Variants in TMTC1 observed in about 807,000 individuals in gnomAD.
TMTC1 encodes protein O-mannosyl-transferase TMTC1.
A neutral mutation model predicts 104.8 loss-of-function variants in TMTC1; 73 were observed. The ratio of observed to expected loss-of-function variants is 0.70; its 90% CI spans 0.58 to 0.85. The LOEUF is 0.85. Among genes scored for constraint, TMTC1 ranks in the 40% least tolerant of loss-of-function variants. The pLI is 0.00. For synonymous variants in TMTC1, 434 were observed against 428.7 expected, an observed-to-expected ratio of 1.01 and a Z score of -0.15; for missense variants, 1,035 against 1,096.1, an observed-to-expected ratio of 0.94 and a Z score of 0.79.
chr12:29,709,843 G>A (rs751821948), intron 5 of TMTC1, among the ~76,000 whole-genome samples: 2 of 152,184 alleles, frequency 1.3e-5, no homozygotes, highest in Non-Finnish European at 2.9e-5. Context: ...GCACTAACCT[G>A]TAGGATAGGT....
rs1943667582 is a variant in TMTC1, at chr12:29,505,006, T to C, written c.*1840A>G. The C allele has an allele frequency of 6.6e-6, 1 of 152,274 alleles. No individual in the cohort carries two copies. The highest frequency in any genetic ancestry group is 3.4e-3 in the Middle Eastern group (1 of 294). 9.4% of individuals were successfully genotyped at this position (152,274 alleles called of 1,614,324 possible). On this transcript the variant is annotated 3_prime_UTR_variant, in exon 18 of 18. Coordinates refer to ENST00000539277, the MANE Select transcript of TMTC1 (RefSeq NM_001193451.2). ...GTGGATACATTTATGTTATATAACA[T>C]GAAAAAACTATTAGAAACAAATGGT...
At position 29,506,931 on chromosome 12, in the gene TMTC1, T is replaced by C. The variant is rs770807211; in HGVS notation, c.2564A>G (p.Asp855Gly). 6.2e-7 allele frequency: 1 copy of C among 1,614,060 alleles called. No homozygotes were observed. The highest frequency in any genetic ancestry group is 8.5e-7 in the Non-Finnish European group (1 of 1,179,898). The change falls in exon 18 of 18, where the codon GAC becomes GGC. Residue 855 changes from aspartate to glycine, a missense_variant. Transcript: ENST00000539277. Reference protein sequence around the residue: ...YYERALQLVPDSKLLKENLAK... With the variant: ...YYERALQLVPGSKLLKENLAK... ...AAGATTTTCCTTCAGCAGTTTGCTG[T>C]CTGGAACCAGCTGTAAGGCTCTCTC...
At chr12:29,627,765 G>A (rs972786850) in intron 6 of TMTC1, among the ~76,000 whole-genome samples, 1 of 150,956 alleles carries the variant, frequency 6.6e-6, no homozygotes, top group Non-Finnish European at 1.5e-5. Context: ...AGCAAACTGT[G>A]GTATATGCTA....
At chr12:29,554,397 TTAG>T (rs1945184431) in intron 10 of TMTC1, among the ~76,000 whole-genome samples, 1 of 152,138 alleles carries the variant, frequency 6.6e-6, no homozygotes, top group South Asian at 2.1e-4. Context: ...AATATCACTG[TTAG>T]TAGGGATTTG....
chr12:29,703,164 T>G (rs555768356), intron 5 of TMTC1, among the ~76,000 whole-genome samples: 1 of 146,406 alleles, frequency 6.8e-6, no homozygotes, highest in Non-Finnish European at 1.5e-5. Context: ...AAAAAGGAAC[T>G]GAAAAAATGA....
At position 29,644,109 on chromosome 12, in the gene TMTC1, ATATGTGTGTGTGTG is replaced by A. The variant is rs1354148039; in HGVS notation, c.939-10787_939-10774del. Among the ~76,000 whole-genome samples the A allele has an allele frequency of 6.5e-5, 3 of 46,002 alleles. 1 individual carries two copies. The highest frequency in any genetic ancestry group is 9.2e-4 in the Admixed American group (2 of 2,172). The allele number at this position is 46,002 out of a possible 152,430, so 30.2% of individuals were successfully genotyped here. A position where few individuals can be genotyped will look rare whatever the true frequency, so the allele number is the denominator to read the frequency against. ...AATATAAATATAAATATATAAATAT[ATATGTGTGTGTGTG>A]TGTGTGTGTGTGTGTGTGTGTGTGT... On this transcript the variant is annotated intron_variant, in intron 5 of 17. Coordinates refer to ENST00000539277, the MANE Select transcript of TMTC1 (RefSeq NM_001193451.2).
intron 3 of TMTC1, among the ~76,000 whole-genome samples, chr12:29,758,354 T>G (rs1399753871): frequency 1.3e-5 from 2 of 152,068 alleles, no homozygotes; most frequent in African/African-American, 2.4e-5. Flanking sequence ...ATTAAGCAAA[T>G]TATAGGCAAA....
chr12:29,772,913 T>C (rs1565827249), intron 1 of TMTC1, among the ~76,000 whole-genome samples: 2 of 152,210 alleles, frequency 1.3e-5, no homozygotes, highest in South Asian at 4.1e-4. Flanking sequence ...CAGCATACAA[T>C]AGATTCTAAA....
rs57599919 is a variant in TMTC1, at chr12:29,683,845, ATT to A, written c.939-50511_939-50510del. Among the ~76,000 whole-genome samples the A allele has an allele frequency of 3.0e-3, 420 of 140,942 alleles. 3 individuals are homozygous for A. Among genetic ancestry groups the A allele is most frequent in the African/African-American group, 0.01 (391 of 39,020 alleles). The allele number at this position is 140,942 out of a possible 152,430, so 92.5% of individuals were successfully genotyped here. A position where few individuals can be genotyped will look rare whatever the true frequency, so the allele number is the denominator to read the frequency against. On this transcript the variant is annotated intron_variant, in intron 5 of 17. Transcript: ENST00000539277. ...TAGTAAAGATAGTCTATTTCCTATCATTTTTTTTTTTTTTTGAGACAGGTTCT... is the reference window on the plus strand; with the variant it reads ...TAGTAAAGATAGTCTATTTCCTATCATTTTTTTTTTTTTGAGACAGGTTCT...
intron 5 of TMTC1, among the ~76,000 whole-genome samples, chr12:29,716,236 G>A (rs1224218880): frequency 6.6e-6 from 1 of 151,922 alleles, no homozygotes; most frequent in Admixed American, 6.6e-5. Flanking sequence ...TTCCCAGGCT[G>A]GTCTTGAACT....
rs371626670 is a variant in TMTC1 at position 29,574,180 on chromosome 12, C to T, written c.1419-1962G>A. Among the ~76,000 whole-genome samples the T allele has an allele frequency of 3.6e-4, 55 of 152,156 alleles. No homozygotes were observed. In the South Asian group the frequency reaches 8.9e-3, roughly 25 times the overall value. ...GGAGAATAGCCCTGCATGTTCATGT[C>T]GATTCAGTTTTTTCCTTCCTCCATT... On this transcript the variant is annotated intron_variant, in intron 8 of 17. Transcript: ENST00000539277.
At chr12:29,579,474 G>C (rs1945916536) in intron 8 of TMTC1, among the ~76,000 whole-genome samples, 2 of 152,150 alleles carry the variant, frequency 1.3e-5, no homozygotes. Flanking sequence ...AGGGGAAAGA[G>C]AACTACTGTT....
At chr12:29,540,429 G>A (rs1592199265) in intron 10 of TMTC1, among the ~76,000 whole-genome samples, 1 of 152,164 alleles carries the variant, frequency 6.6e-6, no homozygotes, top group African/African-American at 2.4e-5. Context: ...GAGAGCTCAA[G>A]TGATTTGTCC....
At chr12:29,529,425 T>C (rs1944437498) in intron 11 of TMTC1, among the ~76,000 whole-genome samples, 1 of 152,206 alleles carries the variant, frequency 6.6e-6, no homozygotes, top group African/African-American at 2.4e-5. Context: ...GTGCTTTCAC[T>C]CTAATCAATA....
chr12:29,667,460 T>A (rs1405808116), intron 5 of TMTC1, among the ~76,000 whole-genome samples: 1 of 152,192 alleles, frequency 6.6e-6, no homozygotes, highest in African/African-American at 2.4e-5. Context: ...AATTATCATA[T>A]ATTAAACGGT....
intron 6 of TMTC1, among the ~76,000 whole-genome samples, chr12:29,617,798 G>A (rs1189005662): frequency 6.6e-6 from 1 of 152,110 alleles, no homozygotes; most frequent in East Asian, 1.9e-4. Context: ...AAGTAGCAAG[G>A]GAGATAATGG....
chr12:29,684,279 G>A (rs1165496834), intron 5 of TMTC1, among the ~76,000 whole-genome samples: 1 of 152,148 alleles, frequency 6.6e-6, no homozygotes, highest in African/African-American at 2.4e-5. Context: ...ATAATGACAA[G>A]AGAAAAAGAA....
intron 5 of TMTC1, among the ~76,000 whole-genome samples, chr12:29,657,751 T>G (rs1052708113): frequency 6.6e-6 from 1 of 152,156 alleles, no homozygotes; most frequent in Admixed American, 6.6e-5. Flanking sequence ...TAGTAGAAAT[T>G]TATTAATTCC....
At chr12:29,744,180 G>C (rs577994595) in intron 5 of TMTC1, among the ~76,000 whole-genome samples, 8 of 152,334 alleles carry the variant, frequency 5.3e-5, no homozygotes, top group African/African-American at 1.2e-4. Context: ...AGAAAGGAAA[G>C]AGCTTATCAT....
Sources: gnomAD v4.1 joint callset for allele counts (sites outside exome capture counted in the v4.1 genomes callset) on GRCh38, gnomAD v4.1.1 for gene constraint, MANE v1.5 for transcripts, NCBI Gene and HGNC (gene_info 2026-07-23, HGNC 2026-07-21) for gene names.